ERBB4: variants seen among roughly 807,000 people sequenced by gnomAD.
ERBB4 encodes the protein erb-b2 receptor tyrosine kinase 4, also known as receptor tyrosine-protein kinase erbB-4.
In ERBB4, 42 loss-of-function variants were observed where a neutral mutation model predicts 158.0. The ratio of observed to expected loss-of-function variants is 0.27; its 90% CI spans 0.21 to 0.34. The LOEUF is 0.34. Among genes scored for constraint, ERBB4 ranks in the 10% least tolerant of loss-of-function variants. The pLI is 1.00. For missense variants in ERBB4, 1,333 were observed against 1,624.1 expected (o/e 0.82, Z 3.08); for synonymous variants, 583 against 558.7 (o/e 1.04, Z -0.61).
At chr2:211,877,210 C>A (rs1001443609) in intron 3 of ERBB4, among the ~76,000 whole-genome samples, 2 of 152,148 alleles carry the variant, frequency 1.3e-5, no homozygotes, top group Non-Finnish European at 2.9e-5. Context: ...GGCATTATGA[C>A]GTGGTGGCTG....
chr2:212,166,485 C>T (rs1203880618), intron 1 of ERBB4, among the ~76,000 whole-genome samples: 5 of 151,586 alleles, frequency 3.3e-5, no homozygotes, highest in South Asian at 2.1e-4. Flanking sequence ...TAGGAAGAAT[C>T]GGTCTCATGA....
chr2:211,379,605 T>G lies in ERBB4; in HGVS notation c.*4010A>C, dbSNP rs2062540879. On this transcript the variant is annotated 3_prime_UTR_variant, in exon 28 of 28. Coordinates refer to ENST00000342788, the MANE Select transcript of ERBB4 (RefSeq NM_005235.3). ...TTATACTTGTGGTTAGTTTTCTAGT[T>G]TGATTTATTTAATAATATTAAAATC... 4.3e-6 allele frequency: 1 copy of G among 231,298 alleles called. No homozygotes were observed. The highest frequency in any genetic ancestry group is 8.6e-6 in the Non-Finnish European group (1 of 116,922). The allele number at this position is 231,298 out of a possible 1,614,324, so 14.3% of individuals were successfully genotyped here.
intron 7 of ERBB4, among the ~76,000 whole-genome samples, chr2:211,718,982 AG>A (rs1251369996): frequency 6.6e-6 from 1 of 152,204 alleles, no homozygotes; most frequent in Non-Finnish European, 1.5e-5. Context: ...TACAGGGATA[AG>A]GGGGCTTTCT....
At chr2:212,100,464 T>C (rs1575631937) in intron 2 of ERBB4, among the ~76,000 whole-genome samples, 1 of 152,222 alleles carries the variant, frequency 6.6e-6, no homozygotes, top group East Asian at 1.9e-4. Context: ...GTCTTAATTC[T>C]GTCATTCTCA....
chr2:211,631,387 A>T (rs536535664), intron 16 of ERBB4, among the ~76,000 whole-genome samples: 2 of 152,282 alleles, frequency 1.3e-5, no homozygotes, highest in African/African-American at 4.8e-5. Flanking sequence ...ATTGGTTCAG[A>T]CATGTTTTCA....
chr2:211,786,997 T>A (rs1393567491), intron 4 of ERBB4, among the ~76,000 whole-genome samples: 2 of 152,224 alleles, frequency 1.3e-5, no homozygotes, highest in Non-Finnish European at 2.9e-5. Flanking sequence ...ACATAAAGTT[T>A]TAGCCATTTA....
intron 1 of ERBB4, among the ~76,000 whole-genome samples, chr2:212,283,703 C>T (rs1341623896): frequency 6.6e-6 from 1 of 151,882 alleles, no homozygotes; most frequent in African/African-American, 2.4e-5. Flanking sequence ...CATACAGATC[C>T]TGATTTATTT....
chr2:212,506,481 G>A (rs1049131565), intron 1 of ERBB4, among the ~76,000 whole-genome samples: 1 of 151,174 alleles, frequency 6.6e-6, no homozygotes, highest in African/African-American at 2.4e-5. Context: ...CAAAGGAAAA[G>A]TTATTGAAGA....
intron 19 of ERBB4, among the ~76,000 whole-genome samples, chr2:211,571,289 C>T (rs1410257701): frequency 6.6e-6 from 1 of 151,928 alleles, no homozygotes; most frequent in Non-Finnish European, 1.5e-5. Flanking sequence ...CTCCAACCTC[C>T]TAGAGATGAA....
At chr2:211,413,312 A>ACACACACACG (rs2063307786) in intron 25 of ERBB4, among the ~76,000 whole-genome samples, 1 of 89,846 alleles carries the variant, frequency 1.1e-5, no homozygotes, top group African/African-American at 3.8e-5. Flanking sequence ...TCTTAAAAAC[A>ACACACACACG]CACACACACA....
intron 2 of ERBB4, among the ~76,000 whole-genome samples, chr2:212,066,178 T>C (rs2077942129): frequency 6.6e-6 from 1 of 151,916 alleles, no homozygotes; most frequent in Non-Finnish European, 1.5e-5. Flanking sequence ...CAGGAGTAAA[T>C]TTAAAGTCCT....
At chr2:212,198,842 C>T (rs1176973651) in intron 1 of ERBB4, among the ~76,000 whole-genome samples, 1 of 151,320 alleles carries the variant, frequency 6.6e-6, no homozygotes, top group Admixed American at 6.6e-5. Context: ...CCTCGGCCTC[C>T]CAAAGGCTGG....
intron 1 of ERBB4, among the ~76,000 whole-genome samples, chr2:212,533,605 GTTAT>G (rs958420774): frequency 4.1e-4 from 62 of 152,214 alleles, no homozygotes; most frequent in African/African-American, 1.3e-3. Context: ...ATAAAAAGGG[GTTAT>G]TTTTCATTAT....
chr2:211,695,232 T>C (rs1320442132), intron 12 of ERBB4, among the ~76,000 whole-genome samples: 1 of 152,188 alleles, frequency 6.6e-6, no homozygotes, highest in African/African-American at 2.4e-5. Context: ...AGTTGGATGA[T>C]GTTGTCATCC....
At chr2:211,790,714 C>T (rs1281193538) in intron 3 of ERBB4, among the ~76,000 whole-genome samples, 2 of 152,022 alleles carry the variant, frequency 1.3e-5, no homozygotes, top group African/African-American at 4.8e-5. Flanking sequence ...CATCTGCTAG[C>T]AATTCTGGTC....
chr2:211,790,765 T>G (rs2076261324), intron 3 of ERBB4, among the ~76,000 whole-genome samples: 1 of 151,982 alleles, frequency 6.6e-6, no homozygotes, highest in African/African-American at 2.4e-5. Flanking sequence ...GATGGGTAGT[T>G]TATTTATGTA....
chr2:211,690,889 C>G (rs1250758558), intron 12 of ERBB4, among the ~76,000 whole-genome samples: 1 of 152,106 alleles, frequency 6.6e-6, no homozygotes, highest in Non-Finnish European at 1.5e-5. Flanking sequence ...TCTGTGTTTT[C>G]TCTGGAAGCT....
At chr2:211,746,482 G>T (rs1188304083) in intron 5 of ERBB4, among the ~76,000 whole-genome samples, 1 of 151,932 alleles carries the variant, frequency 6.6e-6, no homozygotes, top group African/African-American at 2.4e-5. Context: ...ATTATAACTT[G>T]ATGATTTTCT....
chr2:212,401,125 G>A (rs2091191436), intron 1 of ERBB4, among the ~76,000 whole-genome samples: 1 of 152,080 alleles, frequency 6.6e-6, no homozygotes, highest in South Asian at 2.1e-4. Flanking sequence ...TTTACCCAAT[G>A]TCTGTGTATT....
Sources: allele counts gnomAD v4.1 joint callset (sites outside exome capture counted in the v4.1 genomes callset), GRCh38; gene constraint gnomAD v4.1.1; transcripts MANE v1.5; gene names NCBI Gene and HGNC (gene_info 2026-07-23, HGNC 2026-07-21).